Variants in CCDC88C observed in about 807,000 individuals in gnomAD.
CCDC88C encodes the protein protein Daple.
A neutral mutation model predicts 198.8 loss-of-function variants in CCDC88C; 131 were observed. That is an observed-to-expected ratio of 0.66 (90% CI 0.57 to 0.76). The LOEUF (loss-of-function observed/expected upper bound fraction) is 0.76. CCDC88C is among the 30% of genes least tolerant of loss of function. The probability of loss-of-function intolerance (pLI) is 0.00; values close to 1 mark genes in which losing one functional copy is unlikely to be tolerated. For synonymous variants in CCDC88C, 1,166 were observed against 1,114.7 expected (o/e 1.05, Z -0.92); for missense variants, 2,553 against 2,631.6 (o/e 0.97, Z 0.65).
In CCDC88C at chr14:91,387,892, C is replaced by T. The variant is rs1024497896; in HGVS notation, c.270+20767G>A. On this transcript the variant is annotated intron_variant, in intron 3 of 29. Transcript: ENST00000389857. ...TCAGCAGTGCCCAACCCTGGCTGCA[C>T]GTCGGAATCACCTCAGACAACGGCT... Among the ~76,000 whole-genome samples the T allele has an allele frequency of 1.1e-4, 16 of 152,302 alleles. 2 individuals carry two copies. The South Asian group carries it at 1.7e-3, about 16-fold the overall frequency.
chr14:91,299,049 G>A (rs1314839837), intron 21 of CCDC88C, among the ~76,000 whole-genome samples: 1 of 152,202 alleles, frequency 6.6e-6, no homozygotes, highest in Non-Finnish European at 1.5e-5. Context: ...TGTAAACACT[G>A]AATTAGTGAA....
chr14:91,274,947 C>A (rs1889889454), intron 29 of CCDC88C, among the ~76,000 whole-genome samples: 1 of 152,174 alleles, frequency 6.6e-6, no homozygotes. Flanking sequence ...ACCTCAGAGC[C>A]TTTGATACCC....
chr14:91,307,381 G>C (rs1048036853), intron 17 of CCDC88C, among the ~76,000 whole-genome samples, 155 bp from the exon 18 acceptor site: 2 of 152,178 alleles, frequency 1.3e-5, no homozygotes, highest in African/African-American at 4.8e-5. Context: ...CTTTTCTTTT[G>C]AGGGGAAGGC....
At chr14:91,385,623 T>C (rs1396761349) in intron 3 of CCDC88C, among the ~76,000 whole-genome samples, 2 of 152,172 alleles carry the variant, frequency 1.3e-5, no homozygotes, top group Admixed American at 1.3e-4. Flanking sequence ...CCCTCTTTGG[T>C]AGTCCAGGGT....
chr14:91,369,266 G>A (rs569028745), intron 3 of CCDC88C, among the ~76,000 whole-genome samples: 10 of 152,342 alleles, frequency 6.6e-5, no homozygotes, highest in Admixed American at 5.9e-4. Context: ...GAGTGCAATG[G>A]CGTGATCTCG....
intron 16 of CCDC88C, among the ~76,000 whole-genome samples, chr14:91,309,582 C>G (rs1002097904): frequency 6.7e-6 from 1 of 149,456 alleles, no homozygotes; most frequent in Non-Finnish European, 1.5e-5. Flanking sequence ...TACACTCCAG[C>G]CTGGACAACA....
At chr14:91,274,220 G>A (rs1233975666) in intron 29 of CCDC88C, among the ~76,000 whole-genome samples, 2 of 152,106 alleles carry the variant, frequency 1.3e-5, no homozygotes, top group Non-Finnish European at 2.9e-5. Context: ...AGGGGGTGGG[G>A]GACAGAGAGG....
intron 22 of CCDC88C, 104 bp from the exon 23 acceptor site, chr14:91,294,422 A>G: frequency 1.5e-6 from 2 of 1,342,480 alleles, no homozygotes; most frequent in East Asian, 5.0e-5. Flanking sequence ...AAGATGTTCA[A>G]CGCAGCATAA....
chr14:91,399,301 C>T (rs1032854424), intron 3 of CCDC88C, among the ~76,000 whole-genome samples: 1 of 152,162 alleles, frequency 6.6e-6, no homozygotes, highest in African/African-American at 2.4e-5. Context: ...CACCCAGAGC[C>T]CCAGGCCCAC....
Position 91,349,827 on chromosome 14 carries a change from C to T in CCDC88C, c.341-6170G>A, listed in dbSNP as rs1242516831. Among the ~76,000 whole-genome samples, 3 of 152,228 alleles carry T rather than the reference C, an allele frequency of 2.0e-5. No individual in the cohort carries two copies. The East Asian group carries it at 5.8e-4, about 29-fold the overall frequency. On this transcript the variant is annotated intron_variant, in intron 4 of 29. Coordinates refer to ENST00000389857, the MANE Select transcript of CCDC88C (RefSeq NM_001080414.4). The stretch of plus-strand genomic sequence containing the variant: ...AAAAGGGAAACTGCCTGATAGCACA[C>T]GTTTCTAAGGGCAGAGGTGAGGATA...
At chr14:91,299,500 G>T (rs145177280) in intron 21 of CCDC88C, among the ~76,000 whole-genome samples, 338 of 152,342 alleles carry the variant, frequency 2.2e-3, no homozygotes, top group African/African-American at 7.1e-3. Flanking sequence ...CACTCTGTGC[G>T]TGTCCACGAA....
chr14:91,295,187 T>C (rs1890949161), intron 22 of CCDC88C, among the ~76,000 whole-genome samples: 1 of 152,134 alleles, frequency 6.6e-6, no homozygotes, highest in Non-Finnish European at 1.5e-5. Context: ...AACTTCACCA[T>C]TAAAAGAAAA....
At position 91,284,849 on chromosome 14, in the gene CCDC88C, G is replaced by C. The variant is rs1890337786; in HGVS notation, c.4442-1332C>G. 6.6e-6 allele frequency among the ~76,000 whole-genome samples: 1 copy of C among 152,166 alleles called. No homozygotes were observed. The highest frequency in any genetic ancestry group is 1.5e-5 in the Non-Finnish European group (1 of 68,030). ...AAAACATGCAGGTAATCATATTTTT[G>C]TAGGTAATCATAGACGGTATCAGGA... is the stretch of plus-strand genomic sequence containing the variant. On this transcript the variant is annotated intron_variant, in intron 25 of 29. Coordinates refer to ENST00000389857, the MANE Select transcript of CCDC88C (RefSeq NM_001080414.4). The surrounding 1 kb of genome is among the most constrained non-coding windows in gnomAD (Gnocchi z 4.1).
intron 10 of CCDC88C, 70 bp from the exon 11 acceptor site, chr14:91,326,126 A>C: frequency 7.0e-7 from 1 of 1,436,010 alleles, no homozygotes; most frequent in Non-Finnish European, 9.5e-7. Flanking sequence ...GAATTCTAAA[A>C]CCAAAACTCT....
At chr14:91,376,312 G>A (rs1418130479) in intron 3 of CCDC88C, among the ~76,000 whole-genome samples, 5 of 152,166 alleles carry the variant, frequency 3.3e-5, no homozygotes, top group Non-Finnish European at 7.3e-5. Context: ...CATCTTCTGC[G>A]CTTTGCACAC....
intron 12 of CCDC88C, among the ~76,000 whole-genome samples, chr14:91,323,032 A>C (rs1208877490): frequency 6.6e-6 from 1 of 150,950 alleles, no homozygotes; most frequent in Non-Finnish European, 1.5e-5. Context: ...CAGCCTCCTG[A>C]GTAGCTGGGA....
At chr14:91,283,972 T>C (rs1398582620) in intron 25 of CCDC88C, among the ~76,000 whole-genome samples, 1 of 152,228 alleles carries the variant, frequency 6.6e-6, no homozygotes, top group African/African-American at 2.4e-5. Context: ...AGAAGTTTAT[T>C]GCTAACCTCA....
chr14:91,378,764 T>A (rs1248867050), intron 3 of CCDC88C: 2 of 152,238 alleles, frequency 1.3e-5, no homozygotes, highest in Non-Finnish European at 2.9e-5. Flanking sequence ...ATGCTATTTT[T>A]ACTAATATTT....
intron 13 of CCDC88C, among the ~76,000 whole-genome samples, chr14:91,316,965 G>A (rs542442478): frequency 1.3e-5 from 2 of 152,342 alleles, no homozygotes; most frequent in East Asian, 1.9e-4. Context: ...CTCATGTGGT[G>A]CAGCATTAGG....
Sources: gnomAD v4.1 joint callset for allele counts (sites outside exome capture counted in the v4.1 genomes callset) on GRCh38, gnomAD v4.1.1 for gene constraint, Gnocchi (gnomAD v3.1) non-coding constraint, MANE v1.5 for transcripts, NCBI Gene and HGNC (gene_info 2026-07-23, HGNC 2026-07-21) for gene names.